Variants in UBR4 observed in about 807,000 individuals in gnomAD.
UBR4 encodes the protein ubiquitin protein ligase E3 component n-recognin 4.
In UBR4, 124 loss-of-function variants were observed where a neutral mutation model predicts 575.6. The ratio of observed to expected loss-of-function variants is 0.22; its 90% CI spans 0.19 to 0.25. The LOEUF (loss-of-function observed/expected upper bound fraction) is 0.25. UBR4 is among the 10% of genes least tolerant of loss of function. The probability of loss-of-function intolerance (pLI) is 1.00; values close to 1 mark genes in which losing one functional copy is unlikely to be tolerated. For missense variants in UBR4, 4,818 were observed against 6,478.8 expected (o/e 0.74, Z 8.80); for synonymous variants, 2,455 against 2,473.7 (o/e 0.99, Z 0.22).
chr1:19,153,661 C>A lies in UBR4; in HGVS notation c.6630+107G>T. 2.9e-5 allele frequency: 43 copies of A among 1,503,440 alleles called. No individual in the cohort carries two copies. The highest frequency in any genetic ancestry group is 3.8e-5 in the Non-Finnish European group (42 of 1,113,916). The allele number at this position is 1,503,440 out of a possible 1,614,324, so 93.1% of individuals were successfully genotyped here. On this transcript the variant is annotated intron_variant, in intron 45 of 105. Transcript: ENST00000375254. This position sits in a 1 kb window ranked among gnomAD's most constrained non-coding sequence, Gnocchi z 4.1. ...ATCTAGAAGAAAAAGGACTGAAAATCTTTTATGGGCCTCCATTGAAAGAGC... is the reference window on the plus strand; with the variant it reads ...ATCTAGAAGAAAAAGGACTGAAAATATTTTATGGGCCTCCATTGAAAGAGC...
chr1:19,192,297 A>G lies in UBR4; in HGVS notation c.1285T>C (p.Leu429=). ...FLILNLSPTA[L]ADKGKEKDPL... ...TCCTTCTCTTTCCCCTTATCAGCCA[A>G]CGCAGTAGGACTGAGGTTCAGTATG... Residue 429 remains leucine, a synonymous_variant, in exon 11 of 106, where the codon TTG becomes CTG. Coordinates refer to ENST00000375254, the MANE Select transcript of UBR4 (RefSeq NM_020765.3). The G allele has an allele frequency of 2.5e-6, 4 of 1,614,182 alleles. No homozygotes were observed. Among genetic ancestry groups the G allele is most frequent in the Non-Finnish European group, 3.4e-6 (4 of 1,180,036 alleles).
At position 19,153,343 on chromosome 1, in the gene UBR4, T is replaced by C; in HGVS notation, c.6790A>G (p.Ser2264Gly). The C allele has an allele frequency of 6.2e-7, 1 of 1,614,212 alleles. No homozygotes were observed. The highest frequency in any genetic ancestry group is 8.5e-7 in the Non-Finnish European group (1 of 1,180,034). The change falls in exon 46 of 106, where the codon AGC becomes GGC. Residue 2264 changes from serine to glycine, a missense_variant. Transcript: ENST00000375254. The surrounding 1 kb of genome is among the most constrained non-coding windows in gnomAD (Gnocchi z 4.1). ...QPSLQPSSVISIMKPVRKRKT... is the reference protein window; with the variant it reads ...QPSLQPSSVIGIMKPVRKRKT... ...CGCTTTCGAACAGGCTTCATGATGCTGATGACACTGCTGGGCTGCAGGGAT... is the reference window on the plus strand; with the variant it reads ...CGCTTTCGAACAGGCTTCATGATGCCGATGACACTGCTGGGCTGCAGGGAT...
chr1:19,207,092 GT>G (rs2093048375), intron 1 of UBR4, among the ~76,000 whole-genome samples: 1 of 152,128 alleles, frequency 6.6e-6, no homozygotes, highest in Non-Finnish European at 1.5e-5. Flanking sequence ...AAAACAGATG[GT>G]CCCCGGTGAC....
intron 20 of UBR4, 59 bp downstream of exon 20, chr1:19,176,533 T>A: frequency 6.3e-7 from 1 of 1,587,152 alleles, no homozygotes; most frequent in Non-Finnish European, 8.6e-7. Context: ...AAGCTTCAAA[T>A]TCAACCCCAC....
In UBR4 at chr1:19,089,420, G is replaced by T. The variant is rs550000188; in HGVS notation, c.14212-443C>A. On this transcript the variant is annotated intron_variant, in intron 97 of 105. Coordinates refer to ENST00000375254, the MANE Select transcript of UBR4 (RefSeq NM_020765.3). This position sits in a 1 kb window ranked among gnomAD's most constrained non-coding sequence, Gnocchi z 4.3. ...TAAGGACCTGCCCTGAGTTCTCCACGGGAGCCCCTGGGTCCACCAAACCTA... is the reference window on the plus strand; with the variant it reads ...TAAGGACCTGCCCTGAGTTCTCCACTGGAGCCCCTGGGTCCACCAAACCTA... 6.6e-6 allele frequency among the ~76,000 whole-genome samples: 1 copy of T among 152,116 alleles called. No homozygotes were observed. The highest frequency in any genetic ancestry group is 1.5e-5 in the Non-Finnish European group (1 of 68,028).
chr1:19,208,550 A>C (rs1558052834), intron 1 of UBR4, among the ~76,000 whole-genome samples: 1 of 152,098 alleles, frequency 6.6e-6, no homozygotes, highest in Non-Finnish European at 1.5e-5. Flanking sequence ...TTATTTTCTA[A>C]GCCATAAAGA....
chr1:19,127,427 C>T (rs193124930), intron 63 of UBR4, among the ~76,000 whole-genome samples, 196 bp downstream of exon 63: 3 of 152,274 alleles, frequency 2.0e-5, no homozygotes, highest in Admixed American at 2.0e-4. Context: ...GGATTGTTAC[C>T]AAAGACCAGA....
chr1:19,198,565 T>C lies in UBR4; in HGVS notation c.624A>G (p.Ser208=). The change falls in exon 5 of 106, where the codon TCA becomes TCG. Residue 208 remains serine (S), a synonymous_variant. Transcript: ENST00000375254. Reference sequence around the variant, plus strand: ...CCAGAGTCTGTGTACTGATAGGTTGTGATGCTACAGTTCTAGGGTTAAAAA... The same window carrying C: ...CCAGAGTCTGTGTACTGATAGGTTGCGATGCTACAGTTCTAGGGTTAAAAA... The part of the protein sequence containing the change: ...TSVFNPRTVA[S]QPISTQTLVE... 1.2e-6 allele frequency: 2 copies of C among 1,614,180 alleles called. No homozygotes were observed. Among genetic ancestry groups the C allele is most frequent in the Non-Finnish European group, 1.7e-6 (2 of 1,180,032 alleles).
At chr1:19,199,591 C>G in intron 3 of UBR4, 60 bp downstream of exon 3, 1 of 1,494,176 alleles carries the variant, frequency 6.7e-7, no homozygotes, top group Non-Finnish European at 9.3e-7. Flanking sequence ...CTACTCTATT[C>G]CACTAGTCAG....
rs1557810702 is a variant in UBR4, at chr1:19,152,856, C to G, written c.6833-380G>C. Among the ~76,000 whole-genome samples the G allele has an allele frequency of 6.6e-6, 1 of 152,190 alleles. No individual in the cohort carries two copies. The highest frequency in any genetic ancestry group is 2.1e-4 in the South Asian group (1 of 4,830). The stretch of plus-strand genomic sequence containing the variant: ...GTAATGTGATGATCCCTGTAATGGT[C>G]TTTGCTTAGCTGGATTTGCTCACTG... On this transcript the variant is annotated intron_variant, in intron 46 of 105. Coordinates refer to ENST00000375254, the MANE Select transcript of UBR4 (RefSeq NM_020765.3). The surrounding 1 kb of genome is among the most constrained non-coding windows in gnomAD (Gnocchi z 4.4).
At chr1:19,201,589 T>C in intron 2 of UBR4, 129 bp downstream of exon 2, 1 of 679,760 alleles carries the variant, frequency 1.5e-6, no homozygotes, top group Non-Finnish European at 2.4e-6. Context: ...TCTCTACTCT[T>C]GGGTGAGCAG....
chr1:19,184,621 T>A (rs1033750686), intron 15 of UBR4, among the ~76,000 whole-genome samples: 2 of 152,198 alleles, frequency 1.3e-5, no homozygotes, highest in Non-Finnish European at 2.9e-5. Context: ...CATCCTTGAC[T>A]GTAAGCTATA....
At chr1:19,095,418 G>T in intron 93 of UBR4, 127 bp downstream of exon 93, 1 of 917,320 alleles carries the variant, frequency 1.1e-6, no homozygotes, top group Non-Finnish European at 1.7e-6. Flanking sequence ...CTCTGCACCA[G>T]TCAGCCAGAG....
chr1:19,078,465 G>A, intron 103 of UBR4: 1 of 169,680 alleles, frequency 5.9e-6, no homozygotes, highest in Non-Finnish European at 1.3e-5. Context: ...TAATAAATGA[G>A]GTAGGAAACA....
chr1:19,204,518 T>A (rs1229682887), intron 1 of UBR4, among the ~76,000 whole-genome samples: 1 of 143,628 alleles, frequency 7.0e-6, no homozygotes, highest in African/African-American at 2.6e-5. Flanking sequence ...ATTCTGATAA[T>A]GAAATATATA....
chr1:19,118,208 T>C (rs2080765674), intron 71 of UBR4: 2 of 314,900 alleles, frequency 6.4e-6, no homozygotes, highest in South Asian at 4.5e-5. Context: ...CTAAAAATCA[T>C]TGAACTGTAC....
In UBR4 at chr1:19,110,103, T is replaced by G; in HGVS notation, c.12098A>C (p.Lys4033Thr). The G allele has an allele frequency of 6.2e-7, 1 of 1,614,158 alleles. No homozygotes were observed. Among genetic ancestry groups the G allele is most frequent in the Non-Finnish European group, 8.5e-7 (1 of 1,180,024 alleles). ...CCCTGCTTGGCCCAGTACCTTGTTC[T>G]TCTTGCTAGTGGGAGCAGGTGGTTT... ...LIKPPAPTSK[K>T]NKDVPVEALT... is the part of the protein sequence containing the mutation. Residue 4033 changes from lysine to threonine, a missense_variant, in exon 81 of 106, where the codon AAG becomes ACG. Around this residue, in one of 29 missense-constraint regions of UBR4, gnomAD observed 333 missense variants for 459.2 expected, o/e 0.73. Transcript: ENST00000375254. This position sits in a 1 kb window ranked among gnomAD's most constrained non-coding sequence, Gnocchi z 4.5.
rs36058747 is a variant in UBR4 at position 19,161,811 on chromosome 1, G to A, written c.5027+16C>T. 7,160 of 1,614,174 alleles carry A rather than the reference G, an allele frequency of 4.4e-3. 27 individuals are homozygous for A. Among genetic ancestry groups the A allele is most frequent in the Non-Finnish European group, 5.6e-3 (6,586 of 1,180,002 alleles). On this transcript the variant is annotated intron_variant, in intron 36 of 105. Transcript: ENST00000375254. ...TGCCCAGCAAATCTTCACCTTAAAG[G>A]AAGAACTACCCTTACCAATGCTGGT... is the stretch of plus-strand genomic sequence containing the variant.
At chr1:19,101,699 G>A (rs1356616881) in intron 87 of UBR4, 58 bp from the exon 88 acceptor site, 3 of 1,563,702 alleles carry the variant, frequency 1.9e-6, no homozygotes, top group Non-Finnish European at 2.6e-6. Flanking sequence ...AAGGTGAAAT[G>A]AGAATTCTAA....
Sources: gnomAD v4.1 joint callset for allele counts (sites outside exome capture counted in the v4.1 genomes callset) on GRCh38, gnomAD v4.1.1 for gene constraint, gnomAD v4.1.1 regional missense constraint, Gnocchi (gnomAD v3.1) non-coding constraint, MANE v1.5 for transcripts, NCBI Gene and HGNC (gene_info 2026-07-23, HGNC 2026-07-21) for gene names.